XKR4: variants seen among roughly 807,000 people sequenced by gnomAD.
XKR4 encodes the protein XK related 4, also known as XK-related protein 4.
In XKR4, 12 loss-of-function variants were observed where a neutral mutation model predicts 53.9. The ratio of observed to expected loss-of-function variants is 0.22; its 90% confidence interval spans 0.14 to 0.36. The LOEUF (loss-of-function observed/expected upper bound fraction) is 0.36, where lower values mean the gene tolerates loss of function less well. Ranked by LOEUF, XKR4 falls within the 10% of genes least tolerant of loss-of-function variation. XKR4 has a pLI of 1.00. For synonymous variants in XKR4, 354 were observed against 362.4 expected, an observed-to-expected ratio of 0.98 and a Z score of 0.26; for missense variants, 799 against 859.5, an observed-to-expected ratio of 0.93 and a Z score of 0.88.
At chr8:55,457,170 T>C (rs559847978) in intron 2 of XKR4, among the ~76,000 whole-genome samples, 1 of 149,690 alleles carries the variant, frequency 6.7e-6, no homozygotes, top group Non-Finnish European at 1.5e-5. Flanking sequence ...TGAGACTGAG[T>C]CTTGCTCTGT....
chr8:55,222,811 T>C (rs1236401151), intron 1 of XKR4, among the ~76,000 whole-genome samples: 1 of 152,146 alleles, frequency 6.6e-6, no homozygotes, highest in Non-Finnish European at 1.5e-5. Flanking sequence ...TAAATGATTA[T>C]AGCTAATATA....
chr8:55,267,364 G>T (rs947595201), intron 1 of XKR4, among the ~76,000 whole-genome samples: 1 of 152,140 alleles, frequency 6.6e-6, no homozygotes, highest in Admixed American at 6.5e-5. Flanking sequence ...AATGTAAACT[G>T]CTTTTTCCAG....
At chr8:55,290,978 A>AT (rs985655467) in intron 1 of XKR4, among the ~76,000 whole-genome samples, 10 of 152,006 alleles carry the variant, frequency 6.6e-5, no homozygotes, top group African/African-American at 2.4e-4. Flanking sequence ...ATTTTCTCCC[A>AT]TTTTTTTCCT....
chr8:55,106,579 A>G (rs1816153078), intron 1 of XKR4, among the ~76,000 whole-genome samples: 1 of 152,130 alleles, frequency 6.6e-6, no homozygotes, highest in Admixed American at 6.5e-5. Flanking sequence ...GGGAATCACA[A>G]ATTCCCTAAG....
intron 2 of XKR4, among the ~76,000 whole-genome samples, chr8:55,380,957 A>G (rs1585547831): frequency 6.6e-6 from 1 of 152,264 alleles, no homozygotes; most frequent in Admixed American, 6.5e-5. Flanking sequence ...AAAATGTTTT[A>G]TTAATACTCT....
At chr8:55,452,053 C>G in intron 2 of XKR4, 1 of 718,066 alleles carries the variant, frequency 1.4e-6, no homozygotes, top group East Asian at 2.5e-5. Flanking sequence ...AGGGAAGGAC[C>G]CTTGTTCTTG....
intron 1 of XKR4, among the ~76,000 whole-genome samples, chr8:55,284,816 G>T (rs936625408): frequency 1.3e-5 from 2 of 152,138 alleles, no homozygotes; most frequent in Non-Finnish European, 2.9e-5. Flanking sequence ...GATTGCCAAA[G>T]AATATGTAGA....
chr8:55,107,983 C>A (rs952461939), intron 1 of XKR4, among the ~76,000 whole-genome samples: 2 of 152,142 alleles, frequency 1.3e-5, no homozygotes, highest in Non-Finnish European at 2.9e-5. Context: ...AAGGAATCTA[C>A]TCTCTAATAG....
rs1446479168 is a variant in XKR4, at chr8:55,536,432, A to G, written c.*12205A>G. 2 of 152,206 alleles carry G rather than the reference A, an allele frequency of 1.3e-5. No homozygotes were observed. Among genetic ancestry groups the G allele is most frequent in the Non-Finnish European group, 2.9e-5 (2 of 68,030 alleles). The allele number at this position is 152,206 out of a possible 1,614,324, so 9.4% of individuals were successfully genotyped here. On this transcript the variant is annotated 3_prime_UTR_variant, in exon 3 of 3. Coordinates refer to ENST00000327381, the MANE Select transcript of XKR4 (RefSeq NM_052898.2). ...GACAAGGAGTTATTAAAAAATAAAGACTGTCCACATGACTGCAAATATCCT... is the reference window on the plus strand; with the variant it reads ...GACAAGGAGTTATTAAAAAATAAAGGCTGTCCACATGACTGCAAATATCCT...
intron 1 of XKR4, among the ~76,000 whole-genome samples, chr8:55,249,854 G>A (rs947158366): frequency 2.0e-5 from 3 of 152,098 alleles, no homozygotes; most frequent in African/African-American, 7.2e-5. Flanking sequence ...TTTATATAGA[G>A]AATTACACAG....
intron 1 of XKR4, among the ~76,000 whole-genome samples, chr8:55,289,646 A>AAAGAAAGG (rs1221597017): frequency 0.01 from 871 of 86,806 alleles, 12 homozygotes; most frequent in African/African-American, 0.03. Flanking sequence ...AGAAAGAAAG[A>AAAGAAAGG]AAGGAAGGAA....
chr8:55,469,068 G>T (rs183132077), intron 2 of XKR4, among the ~76,000 whole-genome samples: 149 of 151,956 alleles, frequency 9.8e-4, no homozygotes, highest in Non-Finnish European at 5.0e-4. Flanking sequence ...TCCTTCCCTC[G>T]CCCCATAGCT....
intron 2 of XKR4, among the ~76,000 whole-genome samples, chr8:55,464,590 C>T (rs893430927): frequency 6.6e-6 from 1 of 152,130 alleles, no homozygotes; most frequent in Non-Finnish European, 1.5e-5. Context: ...CAGGGATGCC[C>T]TCTCTCACTA....
intron 1 of XKR4, among the ~76,000 whole-genome samples, chr8:55,266,765 C>T (rs1227284514): frequency 2.6e-5 from 4 of 152,120 alleles, no homozygotes; most frequent in African/African-American, 7.2e-5. Flanking sequence ...TATTCCTCAC[C>T]CTGAGTGTCC....
intron 1 of XKR4, among the ~76,000 whole-genome samples, chr8:55,286,865 G>A (rs927920454): frequency 9.2e-5 from 14 of 152,162 alleles, no homozygotes; most frequent in African/African-American, 3.4e-4. Flanking sequence ...TTTAGAGCTA[G>A]ATGTTAAAAG....
At chr8:55,450,830 C>T in intron 2 of XKR4, 1 of 491,842 alleles carries the variant, frequency 2.0e-6, no homozygotes, top group East Asian at 4.9e-5. Flanking sequence ...TCCCAGCCGT[C>T]CTCCAGGCCC....
intron 1 of XKR4, among the ~76,000 whole-genome samples, chr8:55,317,131 GA>G (rs924310132): frequency 2.0e-5 from 3 of 151,262 alleles, no homozygotes; most frequent in Non-Finnish European, 3.0e-5. Flanking sequence ...AACAGACTAG[GA>G]AAAAAAACAA....
chr8:55,448,197 G>A (rs1805373619), intron 2 of XKR4, among the ~76,000 whole-genome samples: 1 of 152,152 alleles, frequency 6.6e-6, no homozygotes, highest in Non-Finnish European at 1.5e-5. Flanking sequence ...CATAAGCCTG[G>A]CAATTTATTA....
At chr8:55,260,298 T>C (rs1818505602) in intron 1 of XKR4, among the ~76,000 whole-genome samples, 1 of 152,234 alleles carries the variant, frequency 6.6e-6, no homozygotes, top group Non-Finnish European at 1.5e-5. Context: ...TCCCTCATGG[T>C]GTTTCATTTC....
Sources: gnomAD v4.1 joint callset for allele counts (sites outside exome capture counted in the v4.1 genomes callset) on GRCh38, gnomAD v4.1.1 for gene constraint, MANE v1.5 for transcripts, NCBI Gene and HGNC (gene_info 2026-07-23, HGNC 2026-07-21) for gene names.